CCBE1: variants seen among roughly 807,000 people sequenced by gnomAD.
CCBE1 encodes collagen and calcium-binding EGF domain-containing protein 1.
In CCBE1, 37 loss-of-function variants were observed where a neutral mutation model predicts 50.0. The ratio of observed to expected loss-of-function variants is 0.74; its 90% CI spans 0.57 to 0.97. The LOEUF is 0.97. Among genes scored for constraint, CCBE1 ranks in the 50% least tolerant of loss-of-function variants. The pLI, the probability that CCBE1 is intolerant of heterozygous loss-of-function variation, is 0.00. For synonymous variants in CCBE1, 234 were observed against 203.7 expected (o/e 1.15, Z -1.27); for missense variants, 538 against 523.8 (o/e 1.03, Z -0.26).
chr18:59,581,820 A>T (rs994426924), intron 2 of CCBE1, among the ~76,000 whole-genome samples: 4 of 152,126 alleles, frequency 2.6e-5, no homozygotes, highest in Non-Finnish European at 5.9e-5. Flanking sequence ...AGTTGTGACA[A>T]CCAAAAATGT....
Position 59,435,543 on chromosome 18 carries a change from T to C in CCBE1, c.*365A>G, listed in dbSNP as rs1910110931. 3.2e-6 allele frequency: 1 copy of C among 313,256 alleles called. No individual in the cohort carries two copies. The highest frequency in any genetic ancestry group is 6.1e-6 in the Non-Finnish European group (1 of 163,944). 19.4% of individuals were successfully genotyped at this position (313,256 alleles called of 1,614,324 possible). ...TTTCTTAGAGCTCACTTTGTCATTT[T>C]CCCCCTTTTGATACTCTGCCAAATT... On this transcript the variant is annotated 3_prime_UTR_variant, in exon 11 of 11. Coordinates refer to ENST00000439986, the MANE Select transcript of CCBE1 (RefSeq NM_133459.4).
chr18:59,574,801 G>A (rs1453206874), intron 2 of CCBE1, among the ~76,000 whole-genome samples: 1 of 152,100 alleles, frequency 6.6e-6, no homozygotes, highest in African/African-American at 2.4e-5. Flanking sequence ...TCTTCCTCCT[G>A]TTAAAAAGAA....
intron 2 of CCBE1, among the ~76,000 whole-genome samples, chr18:59,601,511 A>G (rs927526388): frequency 6.6e-6 from 1 of 152,162 alleles, no homozygotes; most frequent in Non-Finnish European, 1.5e-5. Context: ...CTGTGAGTCC[A>G]TTAAACCTCT....
intron 2 of CCBE1, among the ~76,000 whole-genome samples, chr18:59,659,304 T>C (rs993483560): frequency 3.3e-5 from 5 of 151,950 alleles, no homozygotes; most frequent in African/African-American, 1.2e-4. Context: ...TGTTTTTTTT[T>C]TTTCAAACAG....
chr18:59,549,043 C>T (rs1022118508), intron 2 of CCBE1, among the ~76,000 whole-genome samples: 2 of 143,350 alleles, frequency 1.4e-5, no homozygotes, highest in African/African-American at 5.2e-5. Context: ...GCAGAGGTTG[C>T]AGTGAGCCAA....
chr18:59,597,397 T>G (rs960553802), intron 2 of CCBE1, among the ~76,000 whole-genome samples: 1 of 152,190 alleles, frequency 6.6e-6, no homozygotes, highest in African/African-American at 2.4e-5. Flanking sequence ...AGGAGGCATT[T>G]AGAGAATTTA....
At chr18:59,607,679 G>T (rs1250944608) in intron 2 of CCBE1, among the ~76,000 whole-genome samples, 6 of 152,202 alleles carry the variant, frequency 3.9e-5, no homozygotes, top group African/African-American at 1.4e-4. Context: ...ACAATGGTTA[G>T]ACACGGACTC....
chr18:59,599,610 G>A (rs2053404222), intron 2 of CCBE1, among the ~76,000 whole-genome samples: 1 of 152,166 alleles, frequency 6.6e-6, no homozygotes. Context: ...CAATGGCTAA[G>A]AGTACACAAT....
chr18:59,537,701 A>G (rs1416929004), intron 2 of CCBE1, among the ~76,000 whole-genome samples: 1 of 152,202 alleles, frequency 6.6e-6, no homozygotes, highest in Non-Finnish European at 1.5e-5. Context: ...GCAAGTATAT[A>G]AAGTGTACAG....
At chr18:59,518,911 C>T (rs1598972518) in intron 2 of CCBE1, among the ~76,000 whole-genome samples, 1 of 152,292 alleles carries the variant, frequency 6.6e-6, no homozygotes, top group Admixed American at 6.5e-5. Flanking sequence ...TCCCTTGCCC[C>T]AGGCTCTAAC....
At chr18:59,622,331 A>G (rs1192231205) in intron 2 of CCBE1, among the ~76,000 whole-genome samples, 1 of 152,088 alleles carries the variant, frequency 6.6e-6, no homozygotes, top group African/African-American at 2.4e-5. Flanking sequence ...CCTTGTCTCT[A>G]CCAAAAATAC....
At chr18:59,459,439 A>G (rs1219495073) in intron 5 of CCBE1, among the ~76,000 whole-genome samples, 1 of 152,130 alleles carries the variant, frequency 6.6e-6, no homozygotes, top group Non-Finnish European at 1.5e-5. Flanking sequence ...CATGTTTTCA[A>G]TCCTCTCAAC....
At chr18:59,542,983 G>A (rs568352875) in intron 2 of CCBE1, among the ~76,000 whole-genome samples, 22 of 152,288 alleles carry the variant, frequency 1.4e-4, no homozygotes, top group African/African-American at 5.1e-4. Context: ...CCAGAAAGTT[G>A]CCTTTTCCCT....
intron 2 of CCBE1, among the ~76,000 whole-genome samples, chr18:59,506,867 C>T (rs1363559854): frequency 6.6e-6 from 1 of 152,176 alleles, no homozygotes; most frequent in Non-Finnish European, 1.5e-5. Context: ...TTTTTGCTTC[C>T]CATAAAGTGA....
intron 2 of CCBE1, among the ~76,000 whole-genome samples, chr18:59,495,417 C>T (rs35166160): frequency 0.075 from 10,127 of 135,866 alleles, 821 homozygotes; most frequent in East Asian, 0.35. Context: ...TTTTCCAGAG[C>T]GGGAAACAGA....
chr18:59,479,551 AT>A (rs1258888791), intron 3 of CCBE1, among the ~76,000 whole-genome samples: 1 of 152,198 alleles, frequency 6.6e-6, no homozygotes, highest in Admixed American at 6.5e-5. Context: ...TAAAACCATA[AT>A]TTAACCCACA....
chr18:59,530,311 A>AC (rs911957156), intron 2 of CCBE1, among the ~76,000 whole-genome samples: 1 of 152,160 alleles, frequency 6.6e-6, no homozygotes, highest in Non-Finnish European at 1.5e-5. Context: ...CTCAACTGAA[A>AC]AAAAAAATGC....
chr18:59,685,000 A>C (rs1193639835), intron 2 of CCBE1, among the ~76,000 whole-genome samples: 3 of 152,218 alleles, frequency 2.0e-5, no homozygotes, highest in Admixed American at 1.3e-4. Flanking sequence ...CCATCATACC[A>C]TGTAAAAAAA....
intron 2 of CCBE1, among the ~76,000 whole-genome samples, chr18:59,676,857 A>C (rs2054510991): frequency 6.6e-6 from 1 of 152,226 alleles, no homozygotes; most frequent in South Asian, 2.1e-4. Context: ...ATTAGGATTT[A>C]AGTGGGGGGA....
Sources: gnomAD v4.1 joint callset for allele counts (sites outside exome capture counted in the v4.1 genomes callset) on GRCh38, gnomAD v4.1.1 for gene constraint, MANE v1.5 for transcripts, NCBI Gene and HGNC (gene_info 2026-07-23, HGNC 2026-07-21) for gene names.